Variants in ZC3H7A observed in about 807,000 individuals in gnomAD.
ZC3H7A encodes the protein zinc finger CCCH-type containing 7A.
Under a neutral mutation model 125.5 loss-of-function variants are expected in ZC3H7A, and 44 were observed. That is an observed-to-expected ratio of 0.35 (90% CI 0.28 to 0.45). ZC3H7A has a LOEUF of 0.45. ZC3H7A is among the 20% of genes least tolerant of loss of function. The pLI, the probability that ZC3H7A is intolerant of heterozygous loss-of-function variation, is 1.00. For synonymous variants in ZC3H7A, 399 were observed against 391.2 expected, an observed-to-expected ratio of 1.02 and a Z score of -0.23; for missense variants, 977 against 1,170.7, an observed-to-expected ratio of 0.83 and a Z score of 2.41.
At chr16:11,795,283 C>T (rs529966186) in intron 1 of ZC3H7A, among the ~76,000 whole-genome samples, 94 of 152,326 alleles carry the variant, frequency 6.2e-4, no homozygotes, top group African/African-American at 1.9e-3. Context: ...AAGGAGGCCA[C>T]ATGCCATCAG....
intron 13 of ZC3H7A, among the ~76,000 whole-genome samples, chr16:11,766,073 T>TTC (rs1479832669): frequency 6.6e-6 from 1 of 151,840 alleles, no homozygotes; most frequent in East Asian, 1.9e-4. Flanking sequence ...AGAGCCTTGA[T>TTC]TCTCTCATGG....
chr16:11,788,307 C>G (rs1022952746), intron 1 of ZC3H7A, among the ~76,000 whole-genome samples: 29 of 151,986 alleles, frequency 1.9e-4, no homozygotes, highest in East Asian at 1.9e-4. Context: ...GAGATCTCCC[C>G]GAGCCATACT....
At chr16:11,757,377 G>A (rs999543200) in intron 20 of ZC3H7A, among the ~76,000 whole-genome samples, 6 of 151,256 alleles carry the variant, frequency 4.0e-5, no homozygotes, top group Non-Finnish European at 7.4e-5. Flanking sequence ...CCAGCTACTC[G>A]GGAAGCTGAG....
intron 1 of ZC3H7A, among the ~76,000 whole-genome samples, chr16:11,789,725 T>C (rs765351713): frequency 5.7e-4 from 87 of 152,144 alleles, no homozygotes; most frequent in Non-Finnish European, 1.0e-3. Flanking sequence ...TTGTTTCCAA[T>C]CTTTAAAGGT....
chr16:11,794,109 A>G (rs2053395883), intron 1 of ZC3H7A, among the ~76,000 whole-genome samples: 1 of 152,192 alleles, frequency 6.6e-6, no homozygotes, highest in Admixed American at 6.5e-5. Flanking sequence ...CTCAACAGGA[A>G]TATTTCATGT....
intron 16 of ZC3H7A, chr16:11,763,143 T>C: frequency 4.0e-6 from 1 of 252,492 alleles, no homozygotes; most frequent in African/African-American, 2.2e-5. Context: ...AGTCTCATGT[T>C]ATCACCCAGA....
At position 11,765,704 on chromosome 16, in the gene ZC3H7A, G is replaced by A; in HGVS notation, c.1523-19C>T. 6.2e-7 allele frequency: 1 copy of A among 1,601,318 alleles called. No homozygotes were observed. Among genetic ancestry groups the A allele is most frequent in the East Asian group, 2.3e-5 (1 of 44,276 alleles). ...GCAACATCTAGAAAGACAGGGAATG[G>A]ACAGACATTGAAAACATGGCAATTG... is the stretch of plus-strand genomic sequence containing the variant. On this transcript the variant is annotated intron_variant, in intron 13 of 22. Coordinates refer to ENST00000355758, the MANE Select transcript of ZC3H7A (RefSeq NM_014153.4). The surrounding 1 kb of genome is among the most constrained non-coding windows in gnomAD (Gnocchi z 4.8).
At chr16:11,766,451 G>A (rs2052859205) in intron 13 of ZC3H7A, among the ~76,000 whole-genome samples, 1 of 152,314 alleles carries the variant, frequency 6.6e-6, no homozygotes, top group African/African-American at 2.4e-5. Flanking sequence ...TGTAATTCCA[G>A]CTATTCGGTA....
In ZC3H7A at chr16:11,751,150, GC is replaced by G; in HGVS notation, c.*166del. 1 of 646,500 alleles carries G rather than the reference GC, an allele frequency of 1.5e-6. No homozygotes were observed. The highest frequency in any genetic ancestry group is 2.5e-6 in the Non-Finnish European group (1 of 394,988). 40.0% of individuals were successfully genotyped at this position (646,500 alleles called of 1,614,324 possible). A position where few individuals can be genotyped will look rare whatever the true frequency, so the allele number is the denominator to read the frequency against. On this transcript the variant is annotated 3_prime_UTR_variant, in exon 23 of 23. Transcript: ENST00000355758. Reference sequence around the variant, plus strand: ...AGTGGTTCCGTGAGAGCGTGGCCAGGCCTGTGAAACAGCCCATTTTCCTACC... The same window carrying G: ...AGTGGTTCCGTGAGAGCGTGGCCAGGCTGTGAAACAGCCCATTTTCCTACC...
At chr16:11,752,547 G>C in intron 22 of ZC3H7A, 122 bp downstream of exon 22, 1 of 1,238,846 alleles carries the variant, frequency 8.1e-7, no homozygotes, top group Non-Finnish European at 1.1e-6. Flanking sequence ...GAATCCTTCA[G>C]GGTCTGTCAG....
chr16:11,787,088 C>T (rs1194350349), intron 1 of ZC3H7A, among the ~76,000 whole-genome samples: 1 of 152,124 alleles, frequency 6.6e-6, no homozygotes, highest in African/African-American at 2.4e-5. Context: ...GCAGGAGGAT[C>T]ATTTGAGCCC....
Position 11,767,443 on chromosome 16 carries a change from T to A in ZC3H7A, c.1496A>T (p.Tyr499Phe). The A allele has an allele frequency of 6.3e-7, 1 of 1,596,892 alleles. No homozygotes were observed. Among genetic ancestry groups the A allele is most frequent in the Non-Finnish European group, 8.6e-7 (1 of 1,166,278 alleles). Residue 499 changes from tyrosine to phenylalanine, a missense_variant, in exon 13 of 23, where the codon TAT (tyrosine) becomes TTT (phenylalanine). Tyr to Phe is a conservative substitution (Grantham distance 22). Coordinates refer to ENST00000355758, the MANE Select transcript of ZC3H7A (RefSeq NM_014153.4). ...TTTACATATATAATATGGTCCTTCA[T>A]AATTTGTTTTTGTTGGTCTTGGACG... is the stretch of plus-strand genomic sequence containing the variant. ...KIRPRPTKTN[Y>F]EGPYYICKDV...
intron 1 of ZC3H7A, among the ~76,000 whole-genome samples, chr16:11,789,158 G>A (rs962894655): frequency 6.6e-6 from 1 of 152,210 alleles, no homozygotes; most frequent in South Asian, 2.1e-4. Context: ...TGAAGGAAGA[G>A]GGGGTGAAGG....
At chr16:11,779,502 A>C in intron 3 of ZC3H7A, 139 bp from the exon 4 acceptor site, 1 of 717,564 alleles carries the variant, frequency 1.4e-6, no homozygotes, top group South Asian at 2.0e-5. Flanking sequence ...TGTGAGATGC[A>C]GCCCAAGTCA....
At chr16:11,774,911 T>C (rs1596393701) in intron 8 of ZC3H7A, 69 bp downstream of exon 8, 2 of 1,499,486 alleles carry the variant, frequency 1.3e-6, no homozygotes, top group Non-Finnish European at 1.9e-6. Context: ...TGACAATACA[T>C]CACATACAAA....
chr16:11,775,000 G>A lies in ZC3H7A; in HGVS notation c.599C>T (p.Ser200Phe), dbSNP rs755451988. The A allele has an allele frequency of 8.7e-6, 14 of 1,614,106 alleles. No homozygotes were observed. Among genetic ancestry groups the A allele is most frequent in the Non-Finnish European group, 1.2e-5 (14 of 1,179,986 alleles). The change falls in exon 8 of 23, where the codon TCT becomes TTT. Residue 200 changes from serine (S) to phenylalanine (F), a missense_variant. Ser to Phe is a radical substitution (Grantham distance 155, BLOSUM62 -2). This residue lies in a region of ZC3H7A where 199 missense variants were observed against 256.1 expected (regional missense o/e 0.78). Transcript: ENST00000355758. ...GDGATKALNH[S>F]VEDIEPDLLT... is the part of the protein sequence containing the mutation. ...CATACCTGGCTCAATATCTTCCACA[G>A]AATGGTTCAAAGCCTAGAAATTAAA...
chr16:11,785,643 C>A (rs1297655935), intron 1 of ZC3H7A, among the ~76,000 whole-genome samples: 1 of 151,744 alleles, frequency 6.6e-6, no homozygotes, highest in Non-Finnish European at 1.5e-5. Flanking sequence ...TTTTTTGAGA[C>A]AGAGTCTCAC....
chr16:11,760,122 GAAAAAAAA>G (rs66812605), intron 19 of ZC3H7A, among the ~76,000 whole-genome samples: 28 of 82,546 alleles, frequency 3.4e-4, no homozygotes, highest in East Asian at 1.6e-3. Context: ...AAGAAAAAAT[GAAAAAAAA>G]AAAAAAAAAA....
At chr16:11,764,787 A>AGG (rs2052826577) in intron 15 of ZC3H7A, among the ~76,000 whole-genome samples, 1 of 152,208 alleles carries the variant, frequency 6.6e-6, no homozygotes, top group Non-Finnish European at 1.5e-5. Flanking sequence ...GGGGGTACTT[A>AGG]TATTTTAAGC....
Sources: allele counts gnomAD v4.1 joint callset (sites outside exome capture counted in the v4.1 genomes callset), GRCh38; gene constraint gnomAD v4.1.1; regional missense constraint gnomAD v4.1.1; non-coding constraint Gnocchi (gnomAD v3.1); transcripts MANE v1.5; gene names NCBI Gene and HGNC (gene_info 2026-07-23, HGNC 2026-07-21).